Variants in C10orf90 observed in about 807,000 individuals in gnomAD.
C10orf90 encodes chromosome 10 open reading frame 90, also known as (E2-independent) E3 ubiquitin-conjugating enzyme FATS.
Under a neutral mutation model 62.5 loss-of-function variants are expected in C10orf90, and 56 were observed. The observed-to-expected ratio is 0.90, with a 90% CI of 0.72 to 1.12. The LOEUF is 1.12. Among genes scored for constraint, C10orf90 ranks in the 50% most tolerant of loss-of-function variants. C10orf90 has a pLI of 0.00. For synonymous variants in C10orf90, 386 were observed against 340.4 expected (o/e 1.13, Z -1.47); for missense variants, 970 against 880.4 (o/e 1.10, Z -1.29).
intron 4 of C10orf90, among the ~76,000 whole-genome samples, chr10:126,487,210 A>C (rs1861490856): frequency 6.6e-6 from 1 of 151,564 alleles, no homozygotes; most frequent in Non-Finnish European, 1.5e-5. Context: ...AAACACACCT[A>C]ATCAGAATTC....
At chr10:126,597,190 C>G (rs576823216) in intron 2 of C10orf90, among the ~76,000 whole-genome samples, 3 of 152,264 alleles carry the variant, frequency 2.0e-5, no homozygotes, top group Non-Finnish European at 4.4e-5. Flanking sequence ...CCCAGCAAAC[C>G]CACTCCTACA....
chr10:126,445,486 A>G (rs1332923932), intron 7 of C10orf90, among the ~76,000 whole-genome samples: 1 of 152,102 alleles, frequency 6.6e-6, no homozygotes, highest in Non-Finnish European at 1.5e-5. Context: ...TTCTGCAAGA[A>G]TGGCCATAAT....
At chr10:126,658,831 G>T (rs974885001) in intron 1 of C10orf90, among the ~76,000 whole-genome samples, 5 of 152,154 alleles carry the variant, frequency 3.3e-5, no homozygotes, top group Non-Finnish European at 5.9e-5. Context: ...GGGCTCAAAT[G>T]ATCCTCCCAC....
intron 2 of C10orf90, among the ~76,000 whole-genome samples, chr10:126,566,174 C>G (rs1844383769): frequency 6.6e-6 from 1 of 152,178 alleles, no homozygotes; most frequent in Non-Finnish European, 1.5e-5. Flanking sequence ...AATTTGGTCT[C>G]CTCACCTTCT....
At chr10:126,472,004 T>C (rs1183437998) in intron 4 of C10orf90, among the ~76,000 whole-genome samples, 2 of 152,132 alleles carry the variant, frequency 1.3e-5, no homozygotes, top group African/African-American at 4.8e-5. Flanking sequence ...GCGAACATGA[T>C]CAACAGAAAC....
Position 126,425,983 on chromosome 10 carries a change from G to T in C10orf90, c.2352+8C>A. On this transcript the variant is annotated splice_region_variant and intron_variant, in intron 9 of 9. Coordinates refer to ENST00000488181, the MANE Select transcript of C10orf90 (RefSeq NM_001350921.2). ...ACACATCACACCTGCTGGTGACGAGGCCATTACCTTTTTGAAGACTTCGGC... is the reference window on the plus strand; with the variant it reads ...ACACATCACACCTGCTGGTGACGAGTCCATTACCTTTTTGAAGACTTCGGC... The T allele has an allele frequency of 6.2e-7, 1 of 1,613,856 alleles. No homozygotes were observed. The highest frequency in any genetic ancestry group is 8.5e-7 in the Non-Finnish European group (1 of 1,179,738).
At chr10:126,606,623 G>A (rs1323525996) in intron 2 of C10orf90, among the ~76,000 whole-genome samples, 1 of 152,200 alleles carries the variant, frequency 6.6e-6, no homozygotes, top group Non-Finnish European at 1.5e-5. Flanking sequence ...ACTTTGAGCA[G>A]CTCTGATGAT....
intron 2 of C10orf90, among the ~76,000 whole-genome samples, chr10:126,565,179 G>T: frequency 4.8e-5 from 3 of 63,094 alleles, no homozygotes; most frequent in African/African-American, 5.9e-5. Context: ...TACATATTAT[G>T]TAATATAATA....
At chr10:126,645,540 T>C (rs1441285222) in intron 2 of C10orf90, among the ~76,000 whole-genome samples, 2 of 146,044 alleles carry the variant, frequency 1.4e-5, no homozygotes, top group Non-Finnish European at 3.0e-5. Flanking sequence ...CAGTGAGTCA[T>C]GATAGCACCA....
At chr10:126,484,256 A>G (rs1331500264) in intron 4 of C10orf90, among the ~76,000 whole-genome samples, 1 of 152,190 alleles carries the variant, frequency 6.6e-6, no homozygotes, top group East Asian at 1.9e-4. Flanking sequence ...GAGTCGTCAC[A>G]ACTACCGCAA....
intron 2 of C10orf90, among the ~76,000 whole-genome samples, chr10:126,558,819 G>A (rs1340722486): frequency 2.0e-5 from 3 of 152,214 alleles, no homozygotes; most frequent in Non-Finnish European, 2.9e-5. Context: ...GAGAGCAAGG[G>A]CTGTGCCTTG....
chr10:126,657,979 G>A (rs1846430944), intron 1 of C10orf90, among the ~76,000 whole-genome samples: 1 of 152,086 alleles, frequency 6.6e-6, no homozygotes, highest in African/African-American at 2.4e-5. Context: ...GCATGCTGGG[G>A]GCAGAGGAGG....
chr10:126,625,588 G>T (rs561145598), intron 2 of C10orf90, among the ~76,000 whole-genome samples: 1 of 152,156 alleles, frequency 6.6e-6, no homozygotes, highest in Non-Finnish European at 1.5e-5. Flanking sequence ...AACTCTGAGC[G>T]CAGAGCAAGA....
chr10:126,557,496 G>A (rs1177923332), intron 2 of C10orf90, among the ~76,000 whole-genome samples: 2 of 111,542 alleles, frequency 1.8e-5, no homozygotes, highest in Non-Finnish European at 4.0e-5. Context: ...AAAAAAAAAA[G>A]TTACCAAAAG....
chr10:126,495,748 A>T (rs1862011164), intron 4 of C10orf90, among the ~76,000 whole-genome samples: 1 of 152,080 alleles, frequency 6.6e-6, no homozygotes, highest in Non-Finnish European at 1.5e-5. Context: ...TATTTCTCAC[A>T]TTTTTTGCTC....
At chr10:126,596,533 T>C (rs1845090151) in intron 2 of C10orf90, among the ~76,000 whole-genome samples, 1 of 152,148 alleles carries the variant, frequency 6.6e-6, no homozygotes, top group East Asian at 1.9e-4. Flanking sequence ...TTGAAAATAT[T>C]CTAAGTCAAA....
chr10:126,641,889 T>C (rs1440102701), intron 2 of C10orf90, among the ~76,000 whole-genome samples: 2 of 152,118 alleles, frequency 1.3e-5, no homozygotes, highest in Admixed American at 1.3e-4. Flanking sequence ...AATTTAACTA[T>C]AAGAAATCCA....
chr10:126,430,200 A>G (rs1857490909), intron 7 of C10orf90, among the ~76,000 whole-genome samples: 1 of 152,156 alleles, frequency 6.6e-6, no homozygotes, highest in East Asian at 1.9e-4. Flanking sequence ...AAATCCCTAC[A>G]CTAGGTCTGT....
At chr10:126,661,510 T>C (rs1846511045) in intron 1 of C10orf90, among the ~76,000 whole-genome samples, 1 of 152,180 alleles carries the variant, frequency 6.6e-6, no homozygotes, top group South Asian at 2.1e-4. Flanking sequence ...TCATCTGCCA[T>C]CTCTTCTCTC....
Sources: gnomAD v4.1 joint callset for allele counts (sites outside exome capture counted in the v4.1 genomes callset) on GRCh38, gnomAD v4.1.1 for gene constraint, MANE v1.5 for transcripts, NCBI Gene and HGNC (gene_info 2026-07-23, HGNC 2026-07-21) for gene names.